The following KCNIP4 variants were observed in gnomAD, a reference collection of about 807,000 sequenced individuals.
KCNIP4 encodes Kv channel-interacting protein 4.
In KCNIP4, 12 loss-of-function variants were observed where a neutral mutation model predicts 34.0. The ratio of observed to expected loss-of-function variants is 0.35; its 90% CI spans 0.23 to 0.57. KCNIP4 has a LOEUF of 0.57. Among genes scored for constraint, KCNIP4 ranks in the 20% least tolerant of loss-of-function variants. KCNIP4 has a pLI of 0.83. For missense variants in KCNIP4, 238 were observed against 311.7 expected (o/e 0.76, Z 1.78); for synonymous variants, 124 against 102.2 (o/e 1.21, Z -1.29).
chr4:20,883,107 G>C (rs910660528), intron 1 of KCNIP4, among the ~76,000 whole-genome samples: 5 of 150,572 alleles, frequency 3.3e-5, no homozygotes, highest in African/African-American at 1.2e-4. Context: ...CCAGCGCTAA[G>C]GGCCCACATG....
At chr4:21,483,876 A>T (rs1341574233) in intron 1 of KCNIP4, among the ~76,000 whole-genome samples, 1 of 152,070 alleles carries the variant, frequency 6.6e-6, no homozygotes, top group Admixed American at 6.6e-5. Flanking sequence ...TGTGCTGGCC[A>T]TGTAAGATGT....
At chr4:21,275,523 T>C (rs1047703169) in intron 1 of KCNIP4, among the ~76,000 whole-genome samples, 4 of 152,238 alleles carry the variant, frequency 2.6e-5, no homozygotes, top group South Asian at 2.1e-4. Flanking sequence ...CTTCCCTTTA[T>C]TAATTCTCAC....
At chr4:21,763,890 C>A (rs990343121) in intron 1 of KCNIP4, among the ~76,000 whole-genome samples, 9 of 151,998 alleles carry the variant, frequency 5.9e-5, no homozygotes, top group Non-Finnish European at 1.2e-4. Flanking sequence ...GAAAAAGGAA[C>A]CCTCAGCCAA....
intron 1 of KCNIP4, among the ~76,000 whole-genome samples, chr4:21,194,170 C>T (rs1165860474): frequency 1.3e-5 from 2 of 151,894 alleles, no homozygotes; most frequent in Non-Finnish European, 2.9e-5. Context: ...ATGTTTTTTT[C>T]CCATAATTCT....
chr4:21,847,480 T>C (rs1295799617), intron 1 of KCNIP4: 1 of 152,154 alleles, frequency 6.6e-6, no homozygotes, highest in East Asian at 1.9e-4. Context: ...AATCAAGCAC[T>C]AAGTTTCTAT....
intron 1 of KCNIP4, among the ~76,000 whole-genome samples, chr4:20,974,547 T>C (rs1321321775): frequency 2.6e-5 from 4 of 152,120 alleles, no homozygotes; most frequent in African/African-American, 9.7e-5. Flanking sequence ...AGGTAGGTTT[T>C]TTCAATTGCC....
At chr4:21,101,371 G>T (rs1006743244) in intron 1 of KCNIP4, among the ~76,000 whole-genome samples, 1 of 151,942 alleles carries the variant, frequency 6.6e-6, no homozygotes, top group Non-Finnish European at 1.5e-5. Flanking sequence ...TAACAAAAAT[G>T]TATATAAATG....
At chr4:20,892,745 T>G (rs1180425604) in intron 1 of KCNIP4, among the ~76,000 whole-genome samples, 1 of 152,228 alleles carries the variant, frequency 6.6e-6, no homozygotes, top group Non-Finnish European at 1.5e-5. Flanking sequence ...AAAGCTGTAA[T>G]GCTTTCTAAA....
intron 1 of KCNIP4, among the ~76,000 whole-genome samples, chr4:21,286,306 T>C (rs937065683): frequency 2.0e-5 from 3 of 152,204 alleles, no homozygotes; most frequent in African/African-American, 7.2e-5. Context: ...AAGGCCACCG[T>C]TCCCTATTAA....
At chr4:21,398,650 G>T (rs1560367207) in intron 1 of KCNIP4, among the ~76,000 whole-genome samples, 1 of 152,190 alleles carries the variant, frequency 6.6e-6, no homozygotes, top group Non-Finnish European at 1.5e-5. Context: ...ACTACCCAGA[G>T]TGAATAGTTA....
At chr4:20,937,012 T>C (rs1454967083) in intron 1 of KCNIP4, among the ~76,000 whole-genome samples, 1 of 151,918 alleles carries the variant, frequency 6.6e-6, no homozygotes, top group Non-Finnish European at 1.5e-5. Flanking sequence ...GTTCTTGGTG[T>C]CCGTTCTACT....
At chr4:21,262,346 T>C (rs916718983) in intron 1 of KCNIP4, among the ~76,000 whole-genome samples, 1 of 152,166 alleles carries the variant, frequency 6.6e-6, no homozygotes, top group Non-Finnish European at 1.5e-5. Flanking sequence ...ACTGCCAGCA[T>C]CTGTGTCTCT....
chr4:21,059,918 AACTC>A (rs1743767933), intron 1 of KCNIP4, among the ~76,000 whole-genome samples: 1 of 152,032 alleles, frequency 6.6e-6, no homozygotes, highest in Non-Finnish European at 1.5e-5. Context: ...AAAAAAGAAA[AACTC>A]ACATTTTTGC....
In KCNIP4 at chr4:21,757,235, GAAAGAAAGAAAGAAAAGAAAAGA is replaced by G. The variant is rs1306885429; in HGVS notation, c.61+191313_61+191335del. Among the ~76,000 whole-genome samples, 234 of 28,422 alleles carry G rather than the reference GAAAGAAAGAAAGAAAAGAAAAGA, an allele frequency of 8.2e-3. 19 individuals are homozygous for G. Among genetic ancestry groups the G allele is most frequent in the Admixed American group, 9.2e-3 (34 of 3,692 alleles). 18.6% of individuals were successfully genotyped at this position (28,422 alleles called of 152,430 possible). Reference sequence around the variant, plus strand: ...AGAAAGAAAGAAAGAAAGAAAGAAAGAAAGAAAGAAAGAAAAGAAAAGAAAAGAAAAGAAAAGAAAAGAAAAGA... The same window carrying G: ...AGAAAGAAAGAAAGAAAGAAAGAAAGAAAGAAAAGAAAAGAAAAGAAAAGA... On this transcript the variant is annotated intron_variant, in intron 1 of 8. Coordinates refer to ENST00000382152, the MANE Select transcript of KCNIP4 (RefSeq NM_025221.6).
chr4:20,949,658 G>T (rs12644812), intron 1 of KCNIP4, among the ~76,000 whole-genome samples: 1 of 151,268 alleles, frequency 6.6e-6, no homozygotes, highest in African/African-American at 2.4e-5. Context: ...CACATATACA[G>T]CATGGAATAC....
chr4:21,836,512 T>TTC (rs1723328714), intron 1 of KCNIP4, among the ~76,000 whole-genome samples: 1 of 151,590 alleles, frequency 6.6e-6, no homozygotes, highest in African/African-American at 2.4e-5. Context: ...TACTTCAATG[T>TTC]ACATTTTCCA....
At position 20,729,936 on chromosome 4, in the gene KCNIP4, G is replaced by GGATTGCTTTATATTAAAA; in HGVS notation, c.*128_*145dup. The GGATTGCTTTATATTAAAA allele has an allele frequency of 1.1e-6, 1 of 875,678 alleles. No individual in the cohort carries two copies. The highest frequency in any genetic ancestry group is 1.6e-6 in the Non-Finnish European group (1 of 622,536). 54.2% of individuals were successfully genotyped at this position (875,678 alleles called of 1,614,324 possible). On this transcript the variant is annotated 3_prime_UTR_variant, in exon 9 of 9. Transcript: ENST00000382152. Reference sequence around the variant, plus strand: ...ATAACTGAAAGCTCAAATCTTTTGGGGATTGCTTTATATTAAAACAAAGCT... The same window carrying GGATTGCTTTATATTAAAA: ...ATAACTGAAAGCTCAAATCTTTTGGGGATTGCTTTATATTAAAAGATTGCTTTATATTAAAACAAAGCT...
chr4:20,746,784 C>A (rs1219595744), intron 5 of KCNIP4, among the ~76,000 whole-genome samples: 1 of 152,062 alleles, frequency 6.6e-6, no homozygotes, highest in Non-Finnish European at 1.5e-5. Context: ...AATCCAGGGC[C>A]CCTCCTATCA....
rs1577652933 is a variant in KCNIP4, at chr4:21,078,151, G to C, written c.62-195442C>G. 5.9e-5 allele frequency among the ~76,000 whole-genome samples: 9 copies of C among 151,916 alleles called. No homozygotes were observed. In the South Asian group the frequency reaches 1.9e-3, roughly 32 times the overall value. ...ATGATGACACATATTAGGAGAGATG[G>C]GGCAGATATTACTCATTTGAGAAAA... On this transcript the variant is annotated intron_variant, in intron 1 of 8. Transcript: ENST00000382152.
Sources: allele counts gnomAD v4.1 joint callset (sites outside exome capture counted in the v4.1 genomes callset), GRCh38; gene constraint gnomAD v4.1.1; transcripts MANE v1.5; gene names NCBI Gene and HGNC (gene_info 2026-07-23, HGNC 2026-07-21).